FGF13: variants seen among roughly 807,000 people sequenced by gnomAD.
The protein encoded by FGF13 is fibroblast growth factor homologous factor 2.
Under a neutral mutation model 19.5 loss-of-function variants are expected in FGF13, and 2 were observed. The ratio of observed to expected loss-of-function variants is 0.10; its 90% CI spans 0.04 to 0.32. The LOEUF (loss-of-function observed/expected upper bound fraction) is 0.32, where lower values mean the gene tolerates loss of function less well. FGF13 is among the 10% of genes least tolerant of loss of function. The pLI is 1.00. For missense variants in FGF13, 113 were observed against 192.7 expected (o/e 0.59, Z 2.45); for synonymous variants, 72 against 76.9 (o/e 0.94, Z 0.33).
At chrX:139,004,572 A>G (rs1243110580) in intron 1 of FGF13, among the ~76,000 whole-genome samples, 1 of 112,702 alleles carries the variant, frequency 8.9e-6, no homozygotes, top group Non-Finnish European at 1.9e-5. Context: ...GAGGACTGCC[A>G]GCACGCTGTC....
At chrX:138,977,239 G>A (rs1005252458) in intron 1 of FGF13, among the ~76,000 whole-genome samples, 1 of 111,481 alleles carries the variant, frequency 9.0e-6, no homozygotes, top group African/African-American at 3.3e-5. Flanking sequence ...AATGCAATTC[G>A]TTTTCTTGAC....
Position 138,632,938 on chromosome X carries a change from C to T in FGF13, c.650G>A (p.Arg217Gln), listed in dbSNP as rs762632439. ...CTTGGTTGGGGTCCCGCTTCCAGAT[C>T]GGGAGAACTCCGTGAGATCGTGCAG... ...PSLHDLTEFS[R>Q]SGSGTPTKSR... The change falls in exon 5 of 5, where the codon CGA (arginine) becomes CAA (glutamine). Residue 217 changes from arginine to glutamine, a missense_variant. Coordinates refer to ENST00000315930, the MANE Select transcript of FGF13 (RefSeq NM_004114.5). The T allele has an allele frequency of 1.3e-5, 16 of 1,208,206 alleles. No homozygotes were observed. The highest frequency in any genetic ancestry group is 4.4e-5 in the Admixed American group (2 of 45,537).
chrX:139,193,437 C>A (rs2084348005), intron 1 of FGF13, among the ~76,000 whole-genome samples: 1 of 111,579 alleles, frequency 9.0e-6, no homozygotes, highest in Non-Finnish European at 1.9e-5. Context: ...TGAAAAGGAT[C>A]CTTGAAGACA....
intron 1 of FGF13, among the ~76,000 whole-genome samples, chrX:138,916,092 T>C (rs2091616896): frequency 8.9e-6 from 1 of 111,973 alleles, no homozygotes; most frequent in Non-Finnish European, 1.9e-5. Flanking sequence ...TGCATAAAGG[T>C]GCCTCCAGAG....
At chrX:138,938,077 T>G (rs773542674) in intron 1 of FGF13, among the ~76,000 whole-genome samples, 107 of 111,200 alleles carry the variant, frequency 9.6e-4, no homozygotes, top group African/African-American at 3.5e-3. Context: ...TAAATGAGGA[T>G]GAGGGTGACA....
At chrX:139,130,952 C>T (rs768008477) in intron 1 of FGF13, among the ~76,000 whole-genome samples, 1 of 110,935 alleles carries the variant, frequency 9.0e-6, no homozygotes, top group South Asian at 3.8e-4. Flanking sequence ...ATCCTGTGCT[C>T]CTAGATTAAA....
intron 1 of FGF13, among the ~76,000 whole-genome samples, chrX:138,936,276 T>C (rs909483824): frequency 8.9e-6 from 1 of 112,085 alleles, no homozygotes; most frequent in Non-Finnish European, 1.9e-5. Flanking sequence ...TTAGTAATCT[T>C]ACTGATGGCT....
chrX:139,021,255 T>G (rs1256106903), intron 1 of FGF13, among the ~76,000 whole-genome samples: 2 of 111,033 alleles, frequency 1.8e-5, no homozygotes, highest in African/African-American at 6.5e-5. Flanking sequence ...TGGGCTGCCA[T>G]CCCCTAAATC....
chrX:138,971,582 T>C (rs958619697), intron 1 of FGF13, among the ~76,000 whole-genome samples: 3 of 111,388 alleles, frequency 2.7e-5, no homozygotes, highest in Admixed American at 1.9e-4. Context: ...TTAAGGTATA[T>C]TTTCTTTTTA....
At chrX:139,204,386 A>T (rs373259552), upstream of FGF13, 12 of 225,188 alleles carry the variant, frequency 5.3e-5, no homozygotes, top group East Asian at 2.7e-4. Flanking sequence ...GCGCTCAAGA[A>T]GTGAAGAGAC....
chrX:139,032,556 T>C (rs1032228536), intron 1 of FGF13, among the ~76,000 whole-genome samples: 2 of 110,475 alleles, frequency 1.8e-5, no homozygotes, highest in Non-Finnish European at 3.8e-5. Flanking sequence ...TAAGAGTAAA[T>C]GAGGAAAAGA....
intron 1 of FGF13, among the ~76,000 whole-genome samples, chrX:138,890,110 G>A (rs2091469528): frequency 9.1e-6 from 1 of 110,323 alleles, no homozygotes; most frequent in Non-Finnish European, 1.9e-5. Context: ...TGTATTTTTG[G>A]TAGAGATATG....
At chrX:138,951,205 C>T (rs1370033135) in intron 1 of FGF13, among the ~76,000 whole-genome samples, 1 of 111,427 alleles carries the variant, frequency 9.0e-6, no homozygotes, top group African/African-American at 3.3e-5. Context: ...TTCTATAGTA[C>T]TCCGCCTCCC....
At chrX:138,821,256 T>A (rs2090997404) in intron 3 of FGF13, among the ~76,000 whole-genome samples, 1 of 111,866 alleles carries the variant, frequency 8.9e-6, no homozygotes. Flanking sequence ...CAAGATGGTG[T>A]CCACTAGCAA....
At chrX:139,109,823 T>C (rs2083588284) in intron 1 of FGF13, among the ~76,000 whole-genome samples, 1 of 111,763 alleles carries the variant, frequency 8.9e-6, no homozygotes, top group Non-Finnish European at 1.9e-5. Flanking sequence ...CTTAGGGATA[T>C]AAACTGGAAA....
intron 3 of FGF13, among the ~76,000 whole-genome samples, chrX:138,653,375 G>A (rs1462026140): frequency 9.0e-6 from 1 of 110,796 alleles, no homozygotes; most frequent in Non-Finnish European, 1.9e-5. Context: ...GATTTCAAAG[G>A]AAGCATAGTG....
At position 139,043,460 on chromosome X, in the gene FGF13, G is replaced by A. The variant is rs372377775; in HGVS notation, c.-113+159956C>T. Among the ~76,000 whole-genome samples the A allele has an allele frequency of 3.9e-4, 43 of 110,659 alleles. 1 individual carries two copies. Among genetic ancestry groups the A allele is most frequent in the African/African-American group, 1.0e-3 (31 of 30,234 alleles). On this transcript the variant is annotated intron_variant, in intron 1 of 2. Coordinates refer to the FGF13 transcript ENST00000421460. ...GCTTCTAACCTCAGGTAATCCGCCC[G>A]CCTCGGCTTCCCAAAGTGCTGGGAT...
chrX:139,037,693 A>G (rs141244338), intron 1 of FGF13, among the ~76,000 whole-genome samples: 2,423 of 111,920 alleles, frequency 0.022, 76 homozygotes, highest in African/African-American at 0.074. Context: ...TCCCTTTTAT[A>G]AAACCCTTAC....
chrX:139,141,679 G>A (rs1049576703), intron 1 of FGF13, among the ~76,000 whole-genome samples: 2 of 112,057 alleles, frequency 1.8e-5, no homozygotes, highest in African/African-American at 6.5e-5. Flanking sequence ...CAATTTCCTG[G>A]AAAAGTCCGT....
Sources: gnomAD v4.1 joint callset for allele counts (sites outside exome capture counted in the v4.1 genomes callset) on GRCh38, gnomAD v4.1.1 for gene constraint, MANE v1.5 for transcripts, NCBI Gene and HGNC (gene_info 2026-07-23, HGNC 2026-07-21) for gene names.